Variants in ARHGAP28 observed in about 807,000 individuals in gnomAD.
ARHGAP28 encodes Rho GTPase activating protein 28, also known as rho GTPase-activating protein 28.
A neutral mutation model predicts 90.7 loss-of-function variants in ARHGAP28; 56 were observed. That is an observed-to-expected ratio of 0.62 (90% CI 0.50 to 0.77). The LOEUF (loss-of-function observed/expected upper bound fraction) is 0.77. Ranked by LOEUF, ARHGAP28 falls within the 30% of genes least tolerant of loss-of-function variation. The pLI, the probability that ARHGAP28 is intolerant of heterozygous loss-of-function variation, is 0.00. For synonymous variants in ARHGAP28, 308 were observed against 323.3 expected (o/e 0.95, Z 0.51); for missense variants, 869 against 900.9 (o/e 0.96, Z 0.45).
chr18:6,768,296 T>G (rs2056215699), intron 1 of ARHGAP28, among the ~76,000 whole-genome samples: 1 of 152,192 alleles, frequency 6.6e-6, no homozygotes, highest in Non-Finnish European at 1.5e-5. Flanking sequence ...TGAGCCTCAT[T>G]TTCTTGCTTC....
chr18:6,849,282 C>T (rs926582262), intron 3 of ARHGAP28, among the ~76,000 whole-genome samples: 35 of 145,456 alleles, frequency 2.4e-4, no homozygotes, highest in African/African-American at 7.6e-4. Context: ...AAAAGTTAAC[C>T]GGGGTAAGCG....
chr18:6,889,834 C>T (rs147964502), intron 12 of ARHGAP28, 54 bp from the exon 13 acceptor site: 465 of 1,535,586 alleles, frequency 3.0e-4, no homozygotes, highest in Non-Finnish European at 3.9e-4. Flanking sequence ...TGATAGCAAT[C>T]AGGGGCACTT....
At chr18:6,804,314 A>C (rs1446892668) in intron 1 of ARHGAP28, among the ~76,000 whole-genome samples, 1 of 152,168 alleles carries the variant, frequency 6.6e-6, no homozygotes, top group Non-Finnish European at 1.5e-5. Flanking sequence ...GGTATTACCA[A>C]TTTATGTCTT....
Position 6,729,963 on chromosome 18 carries a change from C to A in ARHGAP28, c.122+20C>A. 2.2e-6 allele frequency: 3 copies of A among 1,333,682 alleles called. No homozygotes were observed. Among genetic ancestry groups the A allele is most frequent in the Non-Finnish European group, 1.9e-6 (2 of 1,046,336 alleles). The allele number at this position is 1,333,682 out of a possible 1,614,324, so 82.6% of individuals were successfully genotyped here. ...CAGCAGGTACCCGGAGCCGCTCCCA[C>A]CAGGGCGGCGCAGTCGCGCTGGGCT... On this transcript the variant is annotated intron_variant, in intron 1 of 17. Coordinates refer to ENST00000383472, the MANE Select transcript of ARHGAP28 (RefSeq NM_001366230.1).
rs1453096783 is a variant in ARHGAP28, at chr18:6,913,108, C to G, written c.*954C>G. The G allele has an allele frequency of 6.6e-6, 1 of 152,062 alleles. No individual in the cohort carries two copies. The highest frequency in any genetic ancestry group is 2.4e-5 in the African/African-American group (1 of 41,320). 9.4% of individuals were successfully genotyped at this position (152,062 alleles called of 1,614,324 possible). A position where few individuals can be genotyped will look rare whatever the true frequency, so the allele number is the denominator to read the frequency against. On this transcript the variant is annotated 3_prime_UTR_variant, in exon 18 of 18. Transcript: ENST00000383472. ...AGAATGCTGAAAAATACTGTTCTAT[C>G]CAGGTTTCCTAAACTATAAAAGCAG...
rs780344969 is a variant in ARHGAP28 at position 6,882,263 on chromosome 18, G to A, written c.1417G>A (p.Val473Met). 15 of 1,613,948 alleles carry A rather than the reference G, an allele frequency of 9.3e-6. No individual in the cohort carries two copies. In the Admixed American group the frequency reaches 1.3e-4, roughly 14 times the overall value. ...AGAACTACCCACCTCTCTCTTCCCT[G>A]TGGAATATATACCTGCCTTCATCAG... ...FRELPTSLFP[V>M]EYIPAFISLM... The change falls in exon 11 of 18, where the codon GTG becomes ATG. Residue 473 changes from valine to methionine, a missense_variant. Transcript: ENST00000383472.
At chr18:6,739,721 G>A (rs1010299663) in intron 1 of ARHGAP28, among the ~76,000 whole-genome samples, 6 of 148,372 alleles carry the variant, frequency 4.0e-5, no homozygotes, top group African/African-American at 1.5e-4. Context: ...TTAGGTTTAT[G>A]TTCTTAGTAA....
At chr18:6,840,701 G>A (rs1393489002) in intron 3 of ARHGAP28, among the ~76,000 whole-genome samples, 1 of 152,142 alleles carries the variant, frequency 6.6e-6, no homozygotes, top group Non-Finnish European at 1.5e-5. Context: ...TGAAGTCTCA[G>A]TTCTAGAGAG....
In ARHGAP28 at chr18:6,891,316, A is replaced by AT. The variant is rs1167823570; in HGVS notation, c.1848+786dup. Among the ~76,000 whole-genome samples, 576 of 144,126 alleles carry AT rather than the reference A, an allele frequency of 4.0e-3. 4 individuals are homozygous for AT. Among genetic ancestry groups the AT allele is most frequent in the Non-Finnish European group, 5.3e-3 (345 of 65,300 alleles). 94.6% of individuals were successfully genotyped at this position (144,126 alleles called of 152,430 possible). A position where few individuals can be genotyped will look rare whatever the true frequency, so the allele number is the denominator to read the frequency against. On this transcript the variant is annotated intron_variant, in intron 14 of 17. Coordinates refer to ENST00000383472, the MANE Select transcript of ARHGAP28 (RefSeq NM_001366230.1). ...ATTGAGGATGCAACATTGGAGCTACATTTTTTTTTTTTTGAGACAGAGTCT... is the reference window on the plus strand; with the variant it reads ...ATTGAGGATGCAACATTGGAGCTACATTTTTTTTTTTTTTGAGACAGAGTCT...
intron 10 of ARHGAP28, among the ~76,000 whole-genome samples, chr18:6,879,728 C>T (rs1440820618): frequency 1.3e-5 from 2 of 152,322 alleles, no homozygotes; most frequent in South Asian, 4.1e-4. Flanking sequence ...GGGGGAGGGG[C>T]GAGCAGCCAG....
At chr18:6,809,972 A>G (rs577190132) in intron 1 of ARHGAP28, among the ~76,000 whole-genome samples, 1 of 152,310 alleles carries the variant, frequency 6.6e-6, no homozygotes, top group South Asian at 2.1e-4. Flanking sequence ...TTTCTTCAGA[A>G]ATAAATTTTT....
chr18:6,909,188 T>C (rs1469415041), intron 17 of ARHGAP28, among the ~76,000 whole-genome samples, 164 bp downstream of exon 17: 1 of 152,174 alleles, frequency 6.6e-6, no homozygotes, highest in African/African-American at 2.4e-5. Context: ...GCACAGCTTT[T>C]CTAAAATGTT....
At chr18:6,816,722 G>T (rs193103898) in intron 1 of ARHGAP28, among the ~76,000 whole-genome samples, 3 of 152,234 alleles carry the variant, frequency 2.0e-5, no homozygotes, top group South Asian at 4.2e-4. Flanking sequence ...GTTTAACTCC[G>T]TAATGTACTG....
chr18:6,788,028 C>T (rs1021384215), intron 1 of ARHGAP28, among the ~76,000 whole-genome samples: 1 of 152,272 alleles, frequency 6.6e-6, no homozygotes, highest in African/African-American at 2.4e-5. Context: ...GAGGCATCTG[C>T]ATGTCTGTAG....
intron 1 of ARHGAP28, chr18:6,789,615 A>T (rs1214578979): frequency 6.6e-6 from 1 of 152,094 alleles, no homozygotes; most frequent in African/African-American, 2.4e-5. Context: ...TTCTTTCACC[A>T]GAGATCACCA....
At chr18:6,807,485 T>G (rs2056527214) in intron 1 of ARHGAP28, among the ~76,000 whole-genome samples, 1 of 152,182 alleles carries the variant, frequency 6.6e-6, no homozygotes, top group African/African-American at 2.4e-5. Context: ...CTTTCATATC[T>G]TACTTTTAAG....
At chr18:6,866,786 A>G (rs886196929) in intron 5 of ARHGAP28, among the ~76,000 whole-genome samples, 2 of 152,198 alleles carry the variant, frequency 1.3e-5, no homozygotes, top group South Asian at 4.1e-4. Flanking sequence ...CTGTCAGAGA[A>G]AATTAAGATA....
At chr18:6,807,548 C>G (rs1240630123) in intron 1 of ARHGAP28, among the ~76,000 whole-genome samples, 3 of 152,200 alleles carry the variant, frequency 2.0e-5, no homozygotes, top group Non-Finnish European at 4.4e-5. Context: ...TTTCCCCACT[C>G]TAGAGGCAAA....
At position 6,900,637 on chromosome 18, in the gene ARHGAP28, C is replaced by T. The variant is rs193232569; in HGVS notation, c.2030+4011C>T. The stretch of plus-strand genomic sequence containing the variant: ...TATGAACAACAGAGAGGAAATAAAC[C>T]GGAAAAAAAAAATGAACACAGCCTC... On this transcript the variant is annotated intron_variant, in intron 16 of 17. Coordinates refer to ENST00000383472, the MANE Select transcript of ARHGAP28 (RefSeq NM_001366230.1). Among the ~76,000 whole-genome samples, 23 of 150,704 alleles carry T rather than the reference C, an allele frequency of 1.5e-4. No individual in the cohort carries two copies. In the East Asian group the frequency reaches 2.3e-3, roughly 15 times the overall value.
Sources: allele counts gnomAD v4.1 joint callset (sites outside exome capture counted in the v4.1 genomes callset), GRCh38; gene constraint gnomAD v4.1.1; transcripts MANE v1.5; gene names NCBI Gene and HGNC (gene_info 2026-07-23, HGNC 2026-07-21).